The following MEF2A variants were observed in gnomAD, a reference collection of about 807,000 sequenced individuals.
The protein encoded by MEF2A is myocyte enhancer factor 2A.
A neutral mutation model predicts 55.8 loss-of-function variants in MEF2A; 28 were observed. The ratio of observed to expected loss-of-function variants is 0.50; its 90% CI spans 0.37 to 0.69. MEF2A has a LOEUF of 0.69. MEF2A is among the 30% of genes least tolerant of loss of function. MEF2A has a pLI of 0.00. For missense variants in MEF2A, 528 were observed against 626.2 expected (o/e 0.84, Z 1.67); for synonymous variants, 239 against 227.1 (o/e 1.05, Z -0.47).
intron 2 of MEF2A, among the ~76,000 whole-genome samples, chr15:99,599,231 A>C (rs1972208073): frequency 6.6e-6 from 1 of 152,156 alleles, no homozygotes; most frequent in African/African-American, 2.4e-5. Flanking sequence ...GAAGTGAATT[A>C]TATTAATGCT....
At chr15:99,683,731 AT>A (rs922337818) in intron 7 of MEF2A, among the ~76,000 whole-genome samples, 4 of 139,954 alleles carry the variant, frequency 2.9e-5, no homozygotes, top group South Asian at 4.7e-4. Context: ...AAAAAAAAAA[AT>A]TATTTCAATA....
chr15:99,634,086 G>A (rs1026028263), intron 3 of MEF2A, among the ~76,000 whole-genome samples: 4 of 152,164 alleles, frequency 2.6e-5, no homozygotes, highest in East Asian at 1.9e-4. Context: ...GGAAAGTTGC[G>A]TATCAGGAGA....
chr15:99,575,677 A>T (rs1964045467), intron 1 of MEF2A, among the ~76,000 whole-genome samples: 1 of 152,216 alleles, frequency 6.6e-6, no homozygotes. Flanking sequence ...CCAAACGCTT[A>T]CAGAATGGTT....
At chr15:99,622,992 G>A (rs907838424) in intron 2 of MEF2A, among the ~76,000 whole-genome samples, 3 of 152,076 alleles carry the variant, frequency 2.0e-5, no homozygotes, top group African/African-American at 4.8e-5. Context: ...GAGCCACCAC[G>A]CCCGGCCCGG....
At chr15:99,620,343 C>T (rs1000481295) in intron 2 of MEF2A, among the ~76,000 whole-genome samples, 1 of 152,156 alleles carries the variant, frequency 6.6e-6, no homozygotes, top group Non-Finnish European at 1.5e-5. Flanking sequence ...CCACCTCTTA[C>T]GCTCCTCCCT....
At chr15:99,680,237 C>T (rs529068305) in intron 7 of MEF2A, among the ~76,000 whole-genome samples, 1 of 152,180 alleles carries the variant, frequency 6.6e-6, no homozygotes, top group South Asian at 2.1e-4. Flanking sequence ...TAGTAATGGG[C>T]ATTTAATTGT....
chr15:99,650,804 A>T (rs999746818), intron 4 of MEF2A, among the ~76,000 whole-genome samples: 2 of 152,210 alleles, frequency 1.3e-5, no homozygotes, highest in African/African-American at 4.8e-5. Flanking sequence ...CCTGACCAGC[A>T]GCAGCAGCAG....
chr15:99,577,029 T>C (rs1022561818), intron 1 of MEF2A, among the ~76,000 whole-genome samples: 14 of 152,240 alleles, frequency 9.2e-5, no homozygotes, highest in Non-Finnish European at 1.8e-4. Flanking sequence ...TCAAAATGCC[T>C]AATGTTGGCG....
intron 1 of MEF2A, among the ~76,000 whole-genome samples, chr15:99,578,653 C>A (rs1460246933): frequency 6.6e-6 from 1 of 152,148 alleles, no homozygotes; most frequent in East Asian, 1.9e-4. Context: ...GTATACGAAC[C>A]CACACATTTA....
chr15:99,708,252 T>A (rs1427987781), intron 10 of MEF2A, among the ~76,000 whole-genome samples: 1 of 152,208 alleles, frequency 6.6e-6, no homozygotes, highest in Non-Finnish European at 1.5e-5. Flanking sequence ...ATTGTTGTGA[T>A]TGTGAATTTA....
At chr15:99,612,772 G>C (rs2039504098) in intron 2 of MEF2A, among the ~76,000 whole-genome samples, 1 of 152,170 alleles carries the variant, frequency 6.6e-6, no homozygotes, top group Non-Finnish European at 1.5e-5. Context: ...GGATACTTTT[G>C]ACAGTGAGGG....
chr15:99,601,635 T>C (rs1272864667), intron 2 of MEF2A, among the ~76,000 whole-genome samples: 1 of 151,456 alleles, frequency 6.6e-6, no homozygotes, highest in Non-Finnish European at 1.5e-5. Context: ...GTCAGTTACA[T>C]TGATTGATTT....
At chr15:99,681,634 A>G (rs907496572) in intron 7 of MEF2A, among the ~76,000 whole-genome samples, 3 of 152,244 alleles carry the variant, frequency 2.0e-5, no homozygotes, top group Non-Finnish European at 4.4e-5. Context: ...ATTCAGAAAG[A>G]AAAGAAGCAG....
chr15:99,624,699 C>T (rs2041787956), intron 2 of MEF2A, among the ~76,000 whole-genome samples: 1 of 152,144 alleles, frequency 6.6e-6, no homozygotes, highest in Non-Finnish European at 1.5e-5. Context: ...TTTTCTATTT[C>T]TGCAAAAATA....
chr15:99,605,020 A>T (rs576739353), intron 2 of MEF2A, among the ~76,000 whole-genome samples: 72 of 152,294 alleles, frequency 4.7e-4, no homozygotes, highest in African/African-American at 1.7e-3. Context: ...AGCTCTGCTC[A>T]CTGCAACCTC....
At chr15:99,581,793 AG>A (rs1381481048) in intron 1 of MEF2A, among the ~76,000 whole-genome samples, 1 of 152,192 alleles carries the variant, frequency 6.6e-6, no homozygotes, top group Non-Finnish European at 1.5e-5. Context: ...TAGGGAGTTC[AG>A]GAGAGGAAGA....
intron 1 of MEF2A, among the ~76,000 whole-genome samples, chr15:99,587,775 A>G (rs1433808558): frequency 6.6e-6 from 1 of 152,188 alleles, no homozygotes; most frequent in Non-Finnish European, 1.5e-5. Context: ...GATGTTTAAT[A>G]GTGATCTTGT....
intron 3 of MEF2A, among the ~76,000 whole-genome samples, chr15:99,641,519 C>A (rs547124025): frequency 6.6e-5 from 10 of 152,076 alleles, no homozygotes; most frequent in African/African-American, 2.4e-4. Context: ...GTCAGGAGAT[C>A]GAGACCATCC....
chr15:99,624,091 C>T (rs1184465910), intron 2 of MEF2A, among the ~76,000 whole-genome samples: 1 of 152,194 alleles, frequency 6.6e-6, no homozygotes, highest in East Asian at 1.9e-4. Flanking sequence ...CAGGCATGAG[C>T]ATGGCGCCCG....
Sources: allele counts gnomAD v4.1 joint callset (sites outside exome capture counted in the v4.1 genomes callset), GRCh38; gene constraint gnomAD v4.1.1; transcripts MANE v1.5; gene names NCBI Gene and HGNC (gene_info 2026-07-23, HGNC 2026-07-21).